SCUBE2: variants seen among roughly 807,000 people sequenced by gnomAD.
SCUBE2 encodes signal peptide, CUB and EGF-like domain-containing protein 2.
A neutral mutation model predicts 125.9 loss-of-function variants in SCUBE2; 114 were observed. The observed-to-expected ratio is 0.91, with a 90% CI of 0.78 to 1.06. SCUBE2 has a LOEUF of 1.06. Ranked by LOEUF, SCUBE2 falls within the 50% of genes least tolerant of loss-of-function variation. SCUBE2 has a pLI of 0.00. For missense variants in SCUBE2, 1,255 were observed against 1,301.8 expected, an observed-to-expected ratio of 0.96 and a Z score of 0.55; for synonymous variants, 459 against 492.9, an observed-to-expected ratio of 0.93 and a Z score of 0.91.
At chr11:9,088,225 T>C (rs1464770680) in intron 2 of SCUBE2, among the ~76,000 whole-genome samples, 3 of 152,262 alleles carry the variant, frequency 2.0e-5, no homozygotes, top group East Asian at 3.8e-4. Context: ...TAGTGGCTCA[T>C]GCCTGTAATC....
intron 7 of SCUBE2, among the ~76,000 whole-genome samples, chr11:9,064,347 G>T (rs536489067): frequency 1.3e-5 from 2 of 152,066 alleles, no homozygotes; most frequent in Admixed American, 6.6e-5. Flanking sequence ...CATGCCTGTA[G>T]TCCAGCTACT....
chr11:9,091,176 G>C lies in SCUBE2; in HGVS notation c.133+220C>G, dbSNP rs1862670333. Among the ~76,000 whole-genome samples, 1 of 152,170 alleles carries C rather than the reference G, an allele frequency of 6.6e-6. No homozygotes were observed. On this transcript the variant is annotated intron_variant, in intron 1 of 22. Coordinates refer to ENST00000649792, the MANE Select transcript of SCUBE2 (RefSeq NM_001367977.2). The surrounding 1 kb of genome is among the most constrained non-coding windows in gnomAD (Gnocchi z 8.5). ...CGGACCGGGGCGGGAACCGTCAGCA[G>C]CTCCGGGTCCGAGGCCGGGCCGAAG...
At position 9,066,677 on chromosome 11, in the gene SCUBE2, G is replaced by C; in HGVS notation, c.760+20C>G. On this transcript the variant is annotated intron_variant, in intron 6 of 22. Coordinates refer to ENST00000649792, the MANE Select transcript of SCUBE2 (RefSeq NM_001367977.2). ...GCAGGCTGGTGCAGACCCTCACTCA[G>C]TGTTGGGGTTGCCACTCACCAAGGC... The C allele has an allele frequency of 1.9e-6, 3 of 1,589,210 alleles. No homozygotes were observed. Among genetic ancestry groups the C allele is most frequent in the Non-Finnish European group, 1.7e-6 (2 of 1,157,408 alleles).
Position 9,059,154 on chromosome 11 carries a change from T to C in SCUBE2, c.1090+149A>G, listed in dbSNP as rs1373384556. 52 of 877,476 alleles carry C rather than the reference T, an allele frequency of 5.9e-5. 1 individual carries two copies. In the Admixed American group the frequency reaches 1.4e-3, roughly 23 times the overall value. The allele number at this position is 877,476 out of a possible 1,614,324, so 54.4% of individuals were successfully genotyped here. On this transcript the variant is annotated intron_variant, in intron 9 of 22. Coordinates refer to ENST00000649792, the MANE Select transcript of SCUBE2 (RefSeq NM_001367977.2). ...ACATCAGTGTTTTTATTTTACCTAA[T>C]AGATGAAATGAGTGAAGCCTAGGAA...
intron 2 of SCUBE2, among the ~76,000 whole-genome samples, chr11:9,085,334 A>T (rs1861962246): frequency 6.6e-6 from 1 of 152,242 alleles, no homozygotes; most frequent in Admixed American, 6.5e-5. Flanking sequence ...ACATTAGGGT[A>T]AAATGAATGA....
chr11:9,023,997 A>G (rs1412312817), intron 21 of SCUBE2, among the ~76,000 whole-genome samples: 2 of 151,120 alleles, frequency 1.3e-5, no homozygotes, highest in Non-Finnish European at 2.9e-5. Flanking sequence ...TTTTGGAAAT[A>G]TATGTTTGAA....
chr11:9,082,010 T>G (rs1180013457), intron 2 of SCUBE2, among the ~76,000 whole-genome samples: 1 of 152,250 alleles, frequency 6.6e-6, no homozygotes, highest in Non-Finnish European at 1.5e-5. Flanking sequence ...TTTCTATTTT[T>G]TTGATAGTAG....
Position 9,051,237 on chromosome 11 carries a change from C to CCTACCTACCTAT in SCUBE2, c.1535-528_1535-527insATAGGTAGGTAG, listed in dbSNP as rs1555245415. ...ATCTATCTATCTATCTACCTACCTACCTATCTATCTATCTATCTATCTACC... is the reference window on the plus strand; with the variant it reads ...ATCTATCTATCTATCTACCTACCTACCTACCTACCTATCTATCTATCTATCTATCTATCTACC... On this transcript the variant is annotated intron_variant, in intron 13 of 22. Coordinates refer to ENST00000649792, the MANE Select transcript of SCUBE2 (RefSeq NM_001367977.2). Among the ~76,000 whole-genome samples, 100 of 150,392 alleles carry CCTACCTACCTAT rather than the reference C, an allele frequency of 6.6e-4. 1 individual carries two copies. In the East Asian group the frequency reaches 0.011, roughly 16 times the overall value.
At chr11:9,059,164 G>A in intron 9 of SCUBE2, 139 bp downstream of exon 9, 2 of 963,256 alleles carry the variant, frequency 2.1e-6, no homozygotes, top group Non-Finnish European at 3.0e-6. Context: ...TAGATGAAAT[G>A]AGTGAAGCCT....
Position 9,020,845 on chromosome 11 carries a change from C to A in SCUBE2, c.*200G>T, listed in dbSNP as rs546421948. The stretch of plus-strand genomic sequence containing the variant: ...AGCTGATGCCACTCAAAGCCATTCT[C>A]AGTCTACATCCACGATGCTGGGAAA... On this transcript the variant is annotated 3_prime_UTR_variant, in exon 23 of 23. Coordinates refer to ENST00000649792, the MANE Select transcript of SCUBE2 (RefSeq NM_001367977.2). 2.1e-6 allele frequency: 1 copy of A among 481,926 alleles called. No individual in the cohort carries two copies. The highest frequency in any genetic ancestry group is 3.7e-6 in the Non-Finnish European group (1 of 273,722). The allele number at this position is 481,926 out of a possible 1,614,324, so 29.9% of individuals were successfully genotyped here. A position where few individuals can be genotyped will look rare whatever the true frequency, so the allele number is the denominator to read the frequency against.
At chr11:9,084,635 G>A (rs930802799) in intron 2 of SCUBE2, among the ~76,000 whole-genome samples, 22 of 152,182 alleles carry the variant, frequency 1.4e-4, no homozygotes, top group African/African-American at 5.3e-4. Context: ...TTAACATCAT[G>A]TGCCCATGAT....
intron 13 of SCUBE2, among the ~76,000 whole-genome samples, chr11:9,051,225 T>TCTATCTACCTAC (rs755617422): frequency 0.039 from 5,160 of 132,180 alleles, 166 homozygotes; most frequent in East Asian, 0.16. Context: ...TATCTATCTA[T>TCTATCTACCTAC]CTACCTACCT....
intron 15 of SCUBE2, 82 bp from the exon 16 acceptor site, chr11:9,047,644 C>T: frequency 1.5e-6 from 2 of 1,374,064 alleles, no homozygotes; most frequent in Admixed American, 1.9e-5. Flanking sequence ...GCAGGCCCTA[C>T]CAACACCCCG....
chr11:9,029,760 G>A, intron 19 of SCUBE2, 124 bp downstream of exon 19: 1 of 1,030,330 alleles, frequency 9.7e-7, no homozygotes, highest in South Asian at 1.5e-5. Flanking sequence ...TGTGAGCTGG[G>A]CTCATAACAT....
intron 7 of SCUBE2, among the ~76,000 whole-genome samples, chr11:9,062,654 GA>G (rs1859795285): frequency 1.3e-5 from 2 of 152,074 alleles, no homozygotes; most frequent in Admixed American, 6.6e-5. Flanking sequence ...TCCTCAGGGG[GA>G]CAAGAAAAGC....
intron 10 of SCUBE2, among the ~76,000 whole-genome samples, 189 bp from the exon 11 acceptor site, chr11:9,053,948 T>C (rs1250255770): frequency 6.6e-6 from 1 of 150,446 alleles, no homozygotes; most frequent in African/African-American, 2.4e-5. Context: ...ACCCAGCAAA[T>C]TTCCTGGCAG....
intron 10 of SCUBE2, among the ~76,000 whole-genome samples, chr11:9,054,641 C>G (rs1431997852): frequency 2.8e-5 from 4 of 140,674 alleles, no homozygotes; most frequent in African/African-American, 1.1e-4. Context: ...ATGTCTTTGG[C>G]CATGCCAAGG....
intron 3 of SCUBE2, among the ~76,000 whole-genome samples, chr11:9,075,033 T>C (rs1314851103): frequency 6.6e-6 from 1 of 151,980 alleles, no homozygotes; most frequent in African/African-American, 2.4e-5. Flanking sequence ...CTGGCCAACA[T>C]GGTGAAACCC....
chr11:9,022,884 T>C (rs7111357), intron 21 of SCUBE2: 47,662 of 152,080 alleles, frequency 0.31, 9,088 homozygotes, highest in African/African-American at 0.52. Context: ...TTTTCTCTAT[T>C]CTTGTATTAT....
Sources: allele counts gnomAD v4.1 joint callset (sites outside exome capture counted in the v4.1 genomes callset), GRCh38; gene constraint gnomAD v4.1.1; non-coding constraint Gnocchi (gnomAD v3.1); transcripts MANE v1.5; gene names NCBI Gene and HGNC (gene_info 2026-07-23, HGNC 2026-07-21).